CDC14B: variants seen among roughly 807,000 people sequenced by gnomAD.
The protein encoded by CDC14B is cell division cycle 14B.
A neutral mutation model predicts 64.2 loss-of-function variants in CDC14B; 22 were observed. The ratio of observed to expected loss-of-function variants is 0.34; its 90% CI spans 0.24 to 0.49. CDC14B has a LOEUF of 0.49. Among genes scored for constraint, CDC14B ranks in the 20% least tolerant of loss-of-function variants. The pLI is 0.99. For missense variants in CDC14B, 498 were observed against 629.9 expected (o/e 0.79, Z 2.24); for synonymous variants, 191 against 215.8 (o/e 0.89, Z 1.01).
At chr9:96,528,281 G>T (rs1444418059) in intron 9 of CDC14B, among the ~76,000 whole-genome samples, 1 of 152,108 alleles carries the variant, frequency 6.6e-6, no homozygotes, top group Non-Finnish European at 1.5e-5. Flanking sequence ...CAGAACTTTG[G>T]GAGGCCAAGG....
At chr9:96,525,479 T>C (rs557625830) in intron 9 of CDC14B, among the ~76,000 whole-genome samples, 1 of 150,316 alleles carries the variant, frequency 6.7e-6, no homozygotes, top group South Asian at 2.1e-4. Flanking sequence ...GCCTACTCCT[T>C]GATTTCACAG....
At chr9:96,533,521 T>A (rs1428382165) in intron 9 of CDC14B, among the ~76,000 whole-genome samples, 1 of 152,234 alleles carries the variant, frequency 6.6e-6, no homozygotes, top group Non-Finnish European at 1.5e-5. Context: ...AATCCTACTA[T>A]CTTCATACCA....
At chr9:96,606,527 T>TGTGTGTG in intron 1 of CDC14B, among the ~76,000 whole-genome samples, 1 of 112,854 alleles carries the variant, frequency 8.9e-6, no homozygotes, top group African/African-American at 3.3e-5. Flanking sequence ...TACTAAAAGT[T>TGTGTGTG]TGTGTGTGTG....
intron 9 of CDC14B, among the ~76,000 whole-genome samples, chr9:96,529,505 T>C (rs1018372081): frequency 1.3e-5 from 2 of 151,106 alleles, no homozygotes; most frequent in Admixed American, 6.6e-5. Flanking sequence ...TTTTTTTTTT[T>C]TTTTGAGACG....
chr9:96,577,427 C>T (rs939945704), intron 1 of CDC14B, among the ~76,000 whole-genome samples: 3 of 152,050 alleles, frequency 2.0e-5, no homozygotes, highest in Non-Finnish European at 4.4e-5. Flanking sequence ...TGTAGTCAAA[C>T]AAAAATCTGA....
At chr9:96,585,058 T>C (rs1471157018) in intron 1 of CDC14B, among the ~76,000 whole-genome samples, 2 of 152,188 alleles carry the variant, frequency 1.3e-5, no homozygotes, top group African/African-American at 4.8e-5. Context: ...CTTCCTAACA[T>C]TATTTAGGAC....
At chr9:96,547,918 C>T (rs10119890) in intron 5 of CDC14B, among the ~76,000 whole-genome samples, 9,336 of 152,066 alleles carry the variant, frequency 0.061, 905 homozygotes, top group African/African-American at 0.21. Context: ...CTCTGCCTCC[C>T]GGGTTCACAG....
In CDC14B at chr9:96,517,321, G is replaced by A. The variant is rs1349614596; in HGVS notation, c.1343+5185C>T. Among the ~76,000 whole-genome samples the A allele has an allele frequency of 4.6e-5, 7 of 150,698 alleles. No homozygotes were observed. The East Asian group carries it at 8.1e-4, about 17-fold the overall frequency. ...CATGCCACTGCACTCTAGCCTGGCC[G>A]ACAGAGCGAGACTCTGTCTCAAAAA... On this transcript the variant is annotated intron_variant, in intron 12 of 13. Coordinates refer to ENST00000375241, the MANE Select transcript of CDC14B (RefSeq NM_033331.4).
intron 1 of CDC14B, among the ~76,000 whole-genome samples, chr9:96,566,361 T>C (rs1342013248): frequency 7.8e-6 from 1 of 128,096 alleles, no homozygotes; most frequent in Non-Finnish European, 1.5e-5. Flanking sequence ...GTAAACTATT[T>C]TTTTTTTTTT....
At chr9:96,552,155 A>T (rs1342507628) in intron 4 of CDC14B, among the ~76,000 whole-genome samples, 1 of 152,252 alleles carries the variant, frequency 6.6e-6, no homozygotes, top group African/African-American at 2.4e-5. Context: ...TTTCCAAATC[A>T]AGACGTTAGA....
In CDC14B at chr9:96,619,132, C is replaced by A. The variant is rs1298346225; in HGVS notation, c.160+87G>T. On this transcript the variant is annotated intron_variant, in intron 1 of 13. Coordinates refer to ENST00000375241, the MANE Select transcript of CDC14B (RefSeq NM_033331.4). ...AGGCATTTCGGCCCGGCCCCGGAGG[C>A]CCCGGGCAGCCCGGTGGGAGGTGGG... 3 of 1,101,964 alleles carry A rather than the reference C, an allele frequency of 2.7e-6. No homozygotes were observed. The African/African-American group carries it at 4.9e-5, about 18-fold the overall frequency. 68.3% of individuals were successfully genotyped at this position (1,101,964 alleles called of 1,614,324 possible).
intron 1 of CDC14B, among the ~76,000 whole-genome samples, chr9:96,589,628 C>A (rs1190663041): frequency 4.6e-5 from 7 of 152,000 alleles, no homozygotes; most frequent in Non-Finnish European, 2.9e-5. Flanking sequence ...GATTAGTCTG[C>A]AAATAGAAAT....
chr9:96,506,387 G>A (rs1834133667), intron 13 of CDC14B, among the ~76,000 whole-genome samples: 1 of 152,150 alleles, frequency 6.6e-6, no homozygotes, highest in African/African-American at 2.4e-5. Flanking sequence ...GCTACAGCTT[G>A]GCTAACTCCA....
chr9:96,573,860 CAAG>C (rs1844628580), intron 1 of CDC14B, among the ~76,000 whole-genome samples: 1 of 151,844 alleles, frequency 6.6e-6, no homozygotes, highest in Non-Finnish European at 1.5e-5. Context: ...TGAAAAAAAA[CAAG>C]AAGGCCGGGT....
chr9:96,534,303 G>A, intron 8 of CDC14B, 146 bp from the exon 9 acceptor site: 1 of 779,568 alleles, frequency 1.3e-6, no homozygotes, highest in South Asian at 1.9e-5. Flanking sequence ...AGAAAAGAAA[G>A]TTAAAATCCA....
intron 1 of CDC14B, among the ~76,000 whole-genome samples, chr9:96,607,496 C>G (rs1847043211): frequency 6.8e-6 from 1 of 146,148 alleles, no homozygotes; most frequent in Admixed American, 6.9e-5. Context: ...TCTCGGCTCA[C>G]TGCAAGCTCC....
intron 9 of CDC14B, among the ~76,000 whole-genome samples, chr9:96,531,489 T>A (rs1236947375): frequency 2.0e-5 from 3 of 152,198 alleles, no homozygotes; most frequent in Non-Finnish European, 4.4e-5. Flanking sequence ...GCCATTTTCA[T>A]TTCTAATTTT....
At chr9:96,596,456 T>C (rs1438815763) in intron 1 of CDC14B, among the ~76,000 whole-genome samples, 1 of 149,092 alleles carries the variant, frequency 6.7e-6, no homozygotes, top group African/African-American at 2.5e-5. Context: ...AATTATGAGA[T>C]GAAAAATACA....
At chr9:96,559,593 C>T (rs1473835201) in intron 4 of CDC14B, among the ~76,000 whole-genome samples, 1 of 152,210 alleles carries the variant, frequency 6.6e-6, no homozygotes, top group Non-Finnish European at 1.5e-5. Flanking sequence ...TGCTTTTCTA[C>T]TATGAATACA....
Sources: allele counts gnomAD v4.1 joint callset (sites outside exome capture counted in the v4.1 genomes callset), GRCh38; gene constraint gnomAD v4.1.1; transcripts MANE v1.5; gene names NCBI Gene and HGNC (gene_info 2026-07-23, HGNC 2026-07-21).